The following CXCL13 variants were observed in gnomAD, a reference collection of about 807,000 sequenced individuals.
The protein encoded by CXCL13 is C-X-C motif chemokine ligand 13.
A neutral mutation model predicts 12.2 loss-of-function variants in CXCL13; 7 were observed. The observed-to-expected ratio is 0.57, with a 90% confidence interval of 0.33 to 1.07. The LOEUF (loss-of-function observed/expected upper bound fraction) is 1.07, where lower values mean the gene tolerates loss of function less well. Among genes scored for constraint, CXCL13 ranks in the 50% least tolerant of loss-of-function variants. CXCL13 has a pLI of 0.04. For synonymous variants in CXCL13, 47 were observed against 42.4 expected (o/e 1.11, Z -0.42); for missense variants, 113 against 127.4 (o/e 0.89, Z 0.55).
chr4:77,577,214 C>A (rs1726219397), intron 1 of CXCL13, among the ~76,000 whole-genome samples: 1 of 152,144 alleles, frequency 6.6e-6, no homozygotes, highest in South Asian at 2.1e-4. Flanking sequence ...ATCATGCACC[C>A]AAATCTTAGC....
At chr4:77,541,319 T>G (rs1359585706) in intron 1 of CXCL13, among the ~76,000 whole-genome samples, 7 of 152,148 alleles carry the variant, frequency 4.6e-5, no homozygotes, top group Non-Finnish European at 2.9e-5. Context: ...TAGTCATAAG[T>G]TATTTCCCAA....
intron 1 of CXCL13, among the ~76,000 whole-genome samples, chr4:77,549,597 A>C (rs751033025): frequency 2.2e-4 from 34 of 152,160 alleles, no homozygotes; most frequent in Non-Finnish European, 4.1e-4. Flanking sequence ...CAGGACCCTC[A>C]GCTGCAGTTC....
intron 1 of CXCL13, among the ~76,000 whole-genome samples, chr4:77,531,053 A>C (rs150190490): frequency 6.6e-6 from 1 of 150,676 alleles, no homozygotes; most frequent in East Asian, 1.9e-4. Flanking sequence ...ATTCAGGAGC[A>C]ATTTGTTCAG....
chr4:77,601,766 A>G (rs1251335789), upstream of CXCL13, among the ~76,000 whole-genome samples: 1 of 152,228 alleles, frequency 6.6e-6, no homozygotes, highest in African/African-American at 2.4e-5. Flanking sequence ...ACACTGAGTA[A>G]AACACTTTCC....
intron 1 of CXCL13, among the ~76,000 whole-genome samples, chr4:77,518,119 G>A (rs1038473820): frequency 6.6e-6 from 1 of 152,100 alleles, no homozygotes; most frequent in African/African-American, 2.4e-5. Context: ...GGTGAATATT[G>A]GCCCCCACTC....
chr4:77,604,303 C>CATTGCAATCTGAGGCTCCCCCTGCCCA (rs1726953751), upstream of CXCL13, among the ~76,000 whole-genome samples: 2 of 152,268 alleles, frequency 1.3e-5, no homozygotes, highest in South Asian at 4.2e-4. Context: ...ACCAGATCAG[C>CATTGCAATCTGAGGCTCCCCCTGCCCA]ATTGCAATCT....
At chr4:77,550,868 C>T (rs555937278) in intron 1 of CXCL13, among the ~76,000 whole-genome samples, 1 of 152,116 alleles carries the variant, frequency 6.6e-6, no homozygotes, top group African/African-American at 2.4e-5. Context: ...TATGTCATAC[C>T]CTTCTTTGTC....
intron 1 of CXCL13, among the ~76,000 whole-genome samples, chr4:77,541,825 A>T (rs544555792): frequency 6.6e-6 from 1 of 152,244 alleles, no homozygotes; most frequent in African/African-American, 2.4e-5. Flanking sequence ...CATTTTAATG[A>T]TATTGATTCC....
chr4:77,581,589 C>A (rs1190797779), intron 1 of CXCL13, among the ~76,000 whole-genome samples: 1 of 152,096 alleles, frequency 6.6e-6, no homozygotes, highest in African/African-American at 2.4e-5. Context: ...TATTACTCCC[C>A]ATAAGAGTTA....
Position 77,607,780 on chromosome 4 carries a change from A to G in CXCL13, c.142A>G (p.Ile48Val), listed in dbSNP as rs780517105. ...CTCAGTCTTTATCCCTAGACGCTTC[A>G]TTGATCGAATTCAAATCTTGCCCCG... is the stretch of plus-strand genomic sequence containing the variant. ...ESSVFIPRRF[I>V]DRIQILPRGN... The change falls in exon 2 of 4, where the codon ATT becomes GTT. Residue 48 changes from isoleucine (I) to valine (V), a missense_variant. By Grantham distance (29) the Ile-to-Val change is conservative (BLOSUM62 3). Transcript: ENST00000682537. 6.2e-7 allele frequency: 1 copy of G among 1,614,132 alleles called. No homozygotes were observed. Among genetic ancestry groups the G allele is most frequent in the Non-Finnish European group, 8.5e-7 (1 of 1,179,974 alleles).
upstream of CXCL13, among the ~76,000 whole-genome samples, chr4:77,602,652 A>AT (rs145730729): frequency 0.036 from 5,413 of 152,002 alleles, 299 homozygotes; most frequent in African/African-American, 0.12. Context: ...CAAAAAAAAA[A>AT]CTTCCCTATA....
chr4:77,515,366 G>A (rs1307297061), intron 1 of CXCL13, among the ~76,000 whole-genome samples: 1 of 152,016 alleles, frequency 6.6e-6, no homozygotes, highest in African/African-American at 2.4e-5. Context: ...AGCTTGATGG[G>A]GATGGCATTG....
chr4:77,545,339 G>A (rs1192983273), intron 1 of CXCL13, among the ~76,000 whole-genome samples: 1 of 152,150 alleles, frequency 6.6e-6, no homozygotes, highest in African/African-American at 2.4e-5. Flanking sequence ...ACCTTGGACA[G>A]TATGGCCATT....
At chr4:77,603,129 C>G (rs116106291), upstream of CXCL13, among the ~76,000 whole-genome samples, 823 of 152,256 alleles carry the variant, frequency 5.4e-3, 3 homozygotes, top group African/African-American at 0.018. Context: ...AACTTTGTCC[C>G]TATACTCTTC....
chr4:77,536,249 G>A (rs1442162049), intron 1 of CXCL13, among the ~76,000 whole-genome samples: 5 of 152,186 alleles, frequency 3.3e-5, no homozygotes, highest in African/African-American at 1.2e-4. Flanking sequence ...TAGATGGCAT[G>A]AAAGTTGAAA....
intron 1 of CXCL13, among the ~76,000 whole-genome samples, chr4:77,581,647 T>A (rs1338584863): frequency 6.6e-6 from 1 of 152,142 alleles, no homozygotes; most frequent in African/African-American, 2.4e-5. Context: ...ACGTATTGAG[T>A]ATGTATTAGG....
intron 1 of CXCL13, among the ~76,000 whole-genome samples, chr4:77,522,585 T>G (rs548771049): frequency 4.7e-5 from 7 of 148,116 alleles, no homozygotes; most frequent in Admixed American, 3.4e-4. Flanking sequence ...AATCCTTTAT[T>G]TTTGAGCTTA....
rs1184185536 is a variant in CXCL13, at chr4:77,611,027, A to G, written c.318A>G (p.Arg106=). 6.2e-7 allele frequency: 1 copy of G among 1,611,054 alleles called. No individual in the cohort carries two copies. Among genetic ancestry groups the G allele is most frequent in the Admixed American group, 1.7e-5 (1 of 60,010 alleles). Residue 106 remains arginine, a synonymous_variant, in exon 4 of 4, where the codon AGA becomes AGG. Coordinates refer to ENST00000682537, the MANE Select transcript of CXCL13 (RefSeq NM_001371558.1). ...CTCTACCAGTTCCAGTGTTTAAGAG[A>G]AAGATTCCCTGATGCTGATATTTCC... ...SSTLPVPVFK[R]KIP
At chr4:77,567,965 A>T (rs377509720) in intron 1 of CXCL13, among the ~76,000 whole-genome samples, 38 of 152,134 alleles carry the variant, frequency 2.5e-4, no homozygotes, top group Middle Eastern at 3.4e-3. Flanking sequence ...ACTTTCCTTT[A>T]CTTTCTTAAT....
Sources: allele counts gnomAD v4.1 joint callset (sites outside exome capture counted in the v4.1 genomes callset), GRCh38; gene constraint gnomAD v4.1.1; transcripts MANE v1.5; gene names NCBI Gene and HGNC (gene_info 2026-07-23, HGNC 2026-07-21).